The following GABPA variants were observed in gnomAD, a reference collection of about 807,000 sequenced individuals.
GABPA encodes GA binding protein transcription factor subunit alpha.
In GABPA, 4 loss-of-function variants were observed where a neutral mutation model predicts 59.4. The ratio of observed to expected loss-of-function variants is 0.07; its 90% CI spans 0.03 to 0.15. The LOEUF (loss-of-function observed/expected upper bound fraction) is 0.15, where lower values mean the gene tolerates loss of function less well. Among genes scored for constraint, GABPA ranks in the 10% least tolerant of loss-of-function variants. GABPA has a pLI of 1.00. For missense variants in GABPA, 251 were observed against 543.8 expected (o/e 0.46, Z 5.36); for synonymous variants, 164 against 183.1 (o/e 0.90, Z 0.84).
intron 5 of GABPA, among the ~76,000 whole-genome samples, chr21:25,757,519 A>C (rs1298989218): frequency 1.3e-5 from 2 of 152,202 alleles, no homozygotes; most frequent in Non-Finnish European, 2.9e-5. Context: ...TTGGAAATGC[A>C]TCATAAGGGT....
chr21:25,744,214 A>C (rs1180747954), intron 2 of GABPA, among the ~76,000 whole-genome samples: 1 of 152,044 alleles, frequency 6.6e-6, no homozygotes, highest in East Asian at 1.9e-4. Context: ...GTTTTAAGTC[A>C]AGTGCAATGG....
At chr21:25,756,973 C>A (rs2035651735) in intron 5 of GABPA, among the ~76,000 whole-genome samples, 1 of 152,190 alleles carries the variant, frequency 6.6e-6, no homozygotes, top group African/African-American at 2.4e-5. Flanking sequence ...GAGGCTAGGG[C>A]ACCTCTGTTC....
intron 1 of GABPA, among the ~76,000 whole-genome samples, chr21:25,740,547 A>T (rs1007932832): frequency 6.6e-6 from 1 of 152,230 alleles, no homozygotes; most frequent in African/African-American, 2.4e-5. Flanking sequence ...GTCCACAAAG[A>T]AATATCTATG....
chr21:25,740,613 C>G (rs2123490504), intron 1 of GABPA, among the ~76,000 whole-genome samples: 1 of 152,198 alleles, frequency 6.6e-6, no homozygotes, highest in Admixed American at 6.5e-5. Flanking sequence ...GTTTTTGTAT[C>G]AGTGGTTTTA....
intron 4 of GABPA, among the ~76,000 whole-genome samples, chr21:25,750,936 C>G (rs1435527143): frequency 6.6e-6 from 1 of 152,130 alleles, no homozygotes; most frequent in Non-Finnish European, 1.5e-5. Flanking sequence ...TCTCTTTAAA[C>G]TACCTGAGAA....
At position 25,771,811 on chromosome 21, in the gene GABPA, A is replaced by G. The variant is rs940026733; in HGVS notation, c.*2579A>G. The G allele has an allele frequency of 2.0e-5, 3 of 152,098 alleles. No individual in the cohort carries two copies. Among genetic ancestry groups the G allele is most frequent in the African/African-American group, 7.2e-5 (3 of 41,458 alleles). 9.4% of individuals were successfully genotyped at this position (152,098 alleles called of 1,614,324 possible). On this transcript the variant is annotated 3_prime_UTR_variant, in exon 10 of 10. Transcript: ENST00000400075. ...TTCCATGTGAAGTTTTTATTGAGCCAACTTTCATACATATCTTGCTAGCCT... is the reference window on the plus strand; with the variant it reads ...TTCCATGTGAAGTTTTTATTGAGCCGACTTTCATACATATCTTGCTAGCCT...
intron 4 of GABPA, 83 bp from the exon 5 acceptor site, chr21:25,751,906 T>C: frequency 2.2e-6 from 3 of 1,391,776 alleles, no homozygotes; most frequent in Non-Finnish European, 3.0e-6. Flanking sequence ...TCTCTACCAT[T>C]TGGGAACATA....
chr21:25,740,031 A>T (rs1213643066), intron 1 of GABPA, among the ~76,000 whole-genome samples: 1 of 152,140 alleles, frequency 6.6e-6, no homozygotes, highest in Non-Finnish European at 1.5e-5. Flanking sequence ...GCAGTACTCC[A>T]GGTAAGGGGT....
intron 9 of GABPA, among the ~76,000 whole-genome samples, chr21:25,766,165 CAT>C (rs1175955285): frequency 6.6e-6 from 1 of 151,956 alleles, no homozygotes; most frequent in Non-Finnish European, 1.5e-5. Context: ...GGGGAGAAAA[CAT>C]ATGAGGAAAC....
At chr21:25,741,764 C>CT (rs1048490878) in intron 2 of GABPA, 89 bp downstream of exon 2, 42 of 735,904 alleles carry the variant, frequency 5.7e-5, no homozygotes, top group East Asian at 1.1e-4. Context: ...TTTGGACTGT[C>CT]TTTTTTTAAC....
chr21:25,745,345 A>G lies in GABPA; in HGVS notation c.213A>G (p.Gln71=). 3 of 1,610,920 alleles carry G rather than the reference A, an allele frequency of 1.9e-6. No homozygotes were observed. The highest frequency in any genetic ancestry group is 2.5e-6 in the Non-Finnish European group (3 of 1,179,196). Reference sequence around the variant, plus strand: ...TGGATGCTCATGAAATTTGTCTGCAAGATATCCAGGTAATTTTTATTTTTG... The same window carrying G: ...TGGATGCTCATGAAATTTGTCTGCAGGATATCCAGGTAATTTTTATTTTTG... ...CSLDAHEICL[Q]DIQLDPERSL... Residue 71 remains glutamine, a synonymous_variant, in exon 3 of 10, where the codon CAA becomes CAG. Coordinates refer to ENST00000400075, the MANE Select transcript of GABPA (RefSeq NM_002040.4).
intron 4 of GABPA, 139 bp from the exon 5 acceptor site, chr21:25,751,850 C>A (rs2035520952): frequency 1.2e-6 from 1 of 802,032 alleles, no homozygotes. Flanking sequence ...ACCCAGATTC[C>A]CCAAATGTTA....
chr21:25,745,914 A>G (rs1213608585), intron 3 of GABPA, among the ~76,000 whole-genome samples: 1 of 152,206 alleles, frequency 6.6e-6, no homozygotes, highest in African/African-American at 2.4e-5. Flanking sequence ...GATAGGTAGT[A>G]CTTTTATGTA....
chr21:25,759,623 T>G (rs2035719334), intron 6 of GABPA, among the ~76,000 whole-genome samples: 1 of 152,202 alleles, frequency 6.6e-6, no homozygotes, highest in African/African-American at 2.4e-5. Context: ...TCTATGATAC[T>G]AAAAGACTTA....
chr21:25,763,330 C>T, intron 7 of GABPA: 1 of 286,492 alleles, frequency 3.5e-6, no homozygotes, highest in Non-Finnish European at 7.0e-6. Context: ...AAGCTTTTAG[C>T]TATGTTTTAC....
At chr21:25,742,275 A>T (rs1219643032) in intron 2 of GABPA, among the ~76,000 whole-genome samples, 2 of 152,180 alleles carry the variant, frequency 1.3e-5, no homozygotes, top group Non-Finnish European at 2.9e-5. Flanking sequence ...GGGAGTCAAC[A>T]AGAAGACTGA....
chr21:25,747,596 T>C (rs111934493), intron 3 of GABPA, among the ~76,000 whole-genome samples: 1 of 152,210 alleles, frequency 6.6e-6, no homozygotes, highest in Non-Finnish European at 1.5e-5. Context: ...TTGCTGCTTA[T>C]GGTAATGCTG....
chr21:25,741,052 G>C (rs1329872645), intron 1 of GABPA, among the ~76,000 whole-genome samples: 2 of 152,180 alleles, frequency 1.3e-5, no homozygotes, highest in East Asian at 3.9e-4. Context: ...AGTAAATCCA[G>C]TAGATTAATG....
intron 9 of GABPA, among the ~76,000 whole-genome samples, chr21:25,766,753 A>T (rs1435706884): frequency 1.3e-5 from 2 of 151,952 alleles, no homozygotes; most frequent in African/African-American, 2.4e-5. Context: ...TAGGAATGTA[A>T]ATTGTAACAG....
Sources: gnomAD v4.1 joint callset for allele counts (sites outside exome capture counted in the v4.1 genomes callset) on GRCh38, gnomAD v4.1.1 for gene constraint, MANE v1.5 for transcripts, NCBI Gene and HGNC (gene_info 2026-07-23, HGNC 2026-07-21) for gene names.